The following HACL1 variants were observed in gnomAD, a reference collection of about 807,000 sequenced individuals.
The protein encoded by HACL1 is 1600020H07Rik.
A neutral mutation model predicts 74.2 loss-of-function variants in HACL1; 64 were observed. The observed-to-expected ratio is 0.86, with a 90% confidence interval of 0.70 to 1.06. The LOEUF (loss-of-function observed/expected upper bound fraction) is 1.06. HACL1 is among the 50% of genes least tolerant of loss of function. The pLI is 0.00. For synonymous variants in HACL1, 230 were observed against 238.8 expected (o/e 0.96, Z 0.34); for missense variants, 728 against 719.7 (o/e 1.01, Z -0.13).
chr3:15,584,174 A>T (rs1482480237), intron 7 of HACL1, among the ~76,000 whole-genome samples: 1 of 152,220 alleles, frequency 6.6e-6, no homozygotes, highest in Non-Finnish European at 1.5e-5. Flanking sequence ...AAAATTTAGA[A>T]GAAGGCTTAC....
intron 3 of HACL1, among the ~76,000 whole-genome samples, chr3:15,595,716 T>C (rs1260235396): frequency 6.6e-6 from 1 of 150,832 alleles, no homozygotes; most frequent in Non-Finnish European, 1.5e-5. Context: ...TTCAAGCCGA[T>C]TCTCCTGCCT....
intron 16 of HACL1, among the ~76,000 whole-genome samples, chr3:15,562,606 T>C (rs942365270): frequency 2.6e-5 from 4 of 152,134 alleles, no homozygotes; most frequent in African/African-American, 7.2e-5. Context: ...TAAGAGTGGC[T>C]GATACACAAA....
At position 15,573,219 on chromosome 3, in the gene HACL1, C is replaced by T. The variant is rs1293991572; in HGVS notation, c.933G>A (p.Leu311=). ...TAACAGCGGGCTTTACATTATTCCCCAATTCTTCTGCACAGATATCAACCT... is the reference window on the plus strand; with the variant it reads ...TAACAGCGGGCTTTACATTATTCCCTAATTCTTCTGCACAGATATCAACCT... ...FIQVDICAEE[L]GNNVKPAVTL... The change falls in exon 11 of 17, where the codon TTG becomes TTA. Residue 311 remains leucine, a synonymous_variant. Transcript: ENST00000321169. 1 of 1,607,134 alleles carries T rather than the reference C, an allele frequency of 6.2e-7. No individual in the cohort carries two copies. The highest frequency in any genetic ancestry group is 1.3e-5 in the African/African-American group (1 of 74,788).
chr3:15,582,901 G>C lies in HACL1; in HGVS notation c.643C>G (p.Gln215Glu), dbSNP rs753011929. ...TAASVIRNAK[Q>E]PLLIIGKGAA... ...CCTTTCCCGATGATAAGAAGGGGTTGTTTGGCATTCCTAATAACAGAAGCC... is the reference window on the plus strand; with the variant it reads ...CCTTTCCCGATGATAAGAAGGGGTTCTTTGGCATTCCTAATAACAGAAGCC... Residue 215 changes from glutamine to glutamate, a missense_variant, in exon 8 of 17, where the codon CAA becomes GAA. By Grantham distance (29) the Gln-to-Glu change is conservative. Coordinates refer to ENST00000321169, the MANE Select transcript of HACL1 (RefSeq NM_012260.4). The C allele has an allele frequency of 6.3e-7, 1 of 1,599,558 alleles. No homozygotes were observed.
At chr3:15,585,775 T>C (rs1341863434) in intron 6 of HACL1, among the ~76,000 whole-genome samples, 1 of 152,210 alleles carries the variant, frequency 6.6e-6, no homozygotes, top group Admixed American at 6.5e-5. Context: ...CACGTATAAA[T>C]GCTGATTATA....
Position 15,601,448 on chromosome 3 carries a change from A to G in HACL1, c.16T>C (p.Phe6Leu). The change falls in exon 1 of 17, where the codon TTC (phenylalanine) becomes CTC (leucine). Residue 6 changes from phenylalanine (F) to leucine (L), a missense_variant. Physicochemically the swap from Phe to Leu is conservative, Grantham distance 22 (BLOSUM62 0). Transcript: ENST00000321169. MPDSNFAERSEEQVSG... is the reference protein window; with the variant it reads MPDSNLAERSEEQVSG... ...ACCTGCTCCTCGCTGCGCTCTGCGAAGTTACTGTCCGGCATCTTCCACCGA... is the reference window on the plus strand; with the variant it reads ...ACCTGCTCCTCGCTGCGCTCTGCGAGGTTACTGTCCGGCATCTTCCACCGA... 1 of 1,613,566 alleles carries G rather than the reference A, an allele frequency of 6.2e-7. No individual in the cohort carries two copies.
Position 15,564,640 on chromosome 3 carries a change from T to C in HACL1, c.1428A>G (p.Ile476Met), listed in dbSNP as rs1368902078. The C allele has an allele frequency of 6.7e-7, 1 of 1,498,212 alleles. No homozygotes were observed. Among genetic ancestry groups the C allele is most frequent in the East Asian group, 2.3e-5 (1 of 44,022 alleles). The allele number at this position is 1,498,212 out of a possible 1,614,324, so 92.8% of individuals were successfully genotyped here. ...TTCCATTGTTATTCACTACCAACAG[T>C]ATGATTGGCAAGTTGTACCTAAAGT... ...ETICRYNLPI[I>M]LLVVNNNGIY... The change falls in exon 15 of 17, where the codon ATA (isoleucine) becomes ATG (methionine). Residue 476 changes from isoleucine to methionine, a missense_variant. Coordinates refer to ENST00000321169, the MANE Select transcript of HACL1 (RefSeq NM_012260.4).
At chr3:15,575,667 G>A (rs1178197002) in intron 9 of HACL1, among the ~76,000 whole-genome samples, 3 of 151,956 alleles carry the variant, frequency 2.0e-5, no homozygotes, top group African/African-American at 7.2e-5. Flanking sequence ...TCAGCCTCCT[G>A]AGCAGTTGGG....
intron 14 of HACL1, among the ~76,000 whole-genome samples, chr3:15,567,052 T>C (rs993160331): frequency 1.3e-5 from 2 of 151,896 alleles, no homozygotes; most frequent in Admixed American, 6.6e-5. Flanking sequence ...ACTCCTGACC[T>C]CAGGTGATCT....
chr3:15,599,891 T>C (rs1185098283), intron 2 of HACL1, among the ~76,000 whole-genome samples: 1 of 152,254 alleles, frequency 6.6e-6, no homozygotes. Context: ...GTGGCAGATA[T>C]GTCATCTCTA....
At position 15,583,656 on chromosome 3, in the gene HACL1, CT is replaced by C. The variant is rs922205983; in HGVS notation, c.555-668del. 8.2e-3 allele frequency among the ~76,000 whole-genome samples: 1,132 copies of C among 137,644 alleles called. 20 individuals are homozygous for C. The highest frequency in any genetic ancestry group is 0.028 in the African/African-American group (1,064 of 37,666). 90.3% of individuals were successfully genotyped at this position (137,644 alleles called of 152,430 possible). A position where few individuals can be genotyped will look rare whatever the true frequency, so the allele number is the denominator to read the frequency against. On this transcript the variant is annotated intron_variant, in intron 7 of 16. Transcript: ENST00000321169. ...CATTTCTCTTTTTTTTTTTTCTTTT[CT>C]TTTTTTTTTTCTTTTGTGGAGACAG...
chr3:15,568,517 G>A lies in HACL1; in HGVS notation c.1165C>T (p.Pro389Ser), dbSNP rs144301413. The A allele has an allele frequency of 1.3e-6, 2 of 1,591,718 alleles. No individual in the cohort carries two copies. The highest frequency in any genetic ancestry group is 1.7e-6 in the Non-Finnish European group (2 of 1,159,910). ...TCACTTACCACGAAACAGTCTCTAG[G>A]TAGTTGTTCTTGAACATGGTAGAAT... ...TVFYHVQEQL[P>S]RDCFVVSEGA... Residue 389 changes from proline to serine, a missense_variant, in exon 13 of 17, where the codon CCT becomes TCT. Pro to Ser is a moderately conservative substitution (Grantham distance 74). Transcript: ENST00000321169.
intron 6 of HACL1, among the ~76,000 whole-genome samples, chr3:15,586,043 G>A (rs2063788503): frequency 6.6e-6 from 1 of 152,108 alleles, no homozygotes; most frequent in African/African-American, 2.4e-5. Flanking sequence ...TCCCCAAGAT[G>A]TCTCATTATA....
intron 2 of HACL1, among the ~76,000 whole-genome samples, chr3:15,600,402 G>A (rs1038134768): frequency 1.3e-5 from 2 of 152,238 alleles, no homozygotes; most frequent in African/African-American, 4.8e-5. Flanking sequence ...TTTCAAGCCC[G>A]CACTACTGAG....
rs1254248880 is a variant in HACL1, at chr3:15,601,199, G to A, written c.82-5C>T. ...GCCAAATATGTACTCCACATCCTGA[G>A]GAACGAAGAACAGGGGAGTAAACTC... On this transcript the variant is annotated splice_polypyrimidine_tract_variant and splice_region_variant and intron_variant, in intron 1 of 16. Coordinates refer to ENST00000321169, the MANE Select transcript of HACL1 (RefSeq NM_012260.4). The A allele has an allele frequency of 2.5e-6, 4 of 1,605,768 alleles. No homozygotes were observed. Among genetic ancestry groups the A allele is most frequent in the Non-Finnish European group, 3.4e-6 (4 of 1,172,430 alleles).
rs376089714 is a variant in HACL1 at position 15,576,898 on chromosome 3, A to C, written c.804-1816T>G. On this transcript the variant is annotated intron_variant, in intron 9 of 16. Transcript: ENST00000321169. ...TTAGTCCTATGAGACCCAATTTAAC[A>C]AACAGATAACTGCAATCAGCAGGAC... Among the ~76,000 whole-genome samples the C allele has an allele frequency of 2.1e-4, 32 of 152,318 alleles. No individual in the cohort carries two copies. In the South Asian group the frequency reaches 6.6e-3, roughly 32 times the overall value.
In HACL1 at chr3:15,601,451, T is replaced by G; in HGVS notation, c.13A>C (p.Asn5His). 1 of 1,613,530 alleles carries G rather than the reference T, an allele frequency of 6.2e-7. No individual in the cohort carries two copies. The highest frequency in any genetic ancestry group is 2.2e-5 in the East Asian group (1 of 44,872). The change falls in exon 1 of 17, where the codon AAC becomes CAC. Residue 5 changes from asparagine (N) to histidine (H), a missense_variant. Physicochemically the swap from Asn to His is moderately conservative, Grantham distance 68. Transcript: ENST00000321169. Reference protein sequence around the residue: MPDSNFAERSEEQVS... With the variant: MPDSHFAERSEEQVS... The stretch of plus-strand genomic sequence containing the variant: ...TGCTCCTCGCTGCGCTCTGCGAAGT[T>G]ACTGTCCGGCATCTTCCACCGAAAA...
chr3:15,592,123 C>T (rs1017387755), intron 3 of HACL1, among the ~76,000 whole-genome samples: 6 of 146,462 alleles, frequency 4.1e-5, no homozygotes, highest in East Asian at 4.0e-4. Context: ...ACACTATATA[C>T]GTATACATAC....
rs376991515 is a variant in HACL1 at position 15,601,364 on chromosome 3, C to G, written c.81+19G>C. 6.3e-5 allele frequency: 102 copies of G among 1,613,912 alleles called. No individual in the cohort carries two copies. Among genetic ancestry groups the G allele is most frequent in the Non-Finnish European group, 8.5e-5 (100 of 1,179,958 alleles). On this transcript the variant is annotated intron_variant, in intron 1 of 16. Coordinates refer to ENST00000321169, the MANE Select transcript of HACL1 (RefSeq NM_012260.4). ...CCAGCTTCCGTAGGAGCCTTTCATT[C>G]CAGGAAGGTCCATCGTACTTGCGTT...
Sources: gnomAD v4.1 joint callset for allele counts (sites outside exome capture counted in the v4.1 genomes callset) on GRCh38, gnomAD v4.1.1 for gene constraint, MANE v1.5 for transcripts, NCBI Gene and HGNC (gene_info 2026-07-23, HGNC 2026-07-21) for gene names.